NEDD8: variants seen among roughly 807,000 people sequenced by gnomAD.
The protein encoded by NEDD8 is NEDD8 ubiquitin like modifier, also known as ubiquitin-like protein NEDD8.
NEDD8 carries 1 observed loss-of-function variant against 13.8 expected under a neutral mutation model. That is an observed-to-expected ratio of 0.07 (90% CI 0.03 to 0.34). NEDD8 has a LOEUF of 0.34. NEDD8 is among the 10% of genes least tolerant of loss of function. The pLI, the probability that NEDD8 is intolerant of heterozygous loss-of-function variation, is 0.99. For missense variants in NEDD8, 10 were observed against 95.2 expected (o/e 0.10, Z 3.73); for synonymous variants, 31 against 33.2 (o/e 0.93, Z 0.23).
At chr14:24,218,651 C>A in intron 1 of NEDD8, 1 of 620,648 alleles carries the variant, frequency 1.6e-6, no homozygotes. Context: ...TTTGAACCAT[C>A]TGATCCTCTT....
chr14:24,218,592 AT>A (rs1295843159), intron 1 of NEDD8, 161 bp from the exon 2 acceptor site: 4 of 945,088 alleles, frequency 4.2e-6, no homozygotes, highest in African/African-American at 1.7e-5. Flanking sequence ...ACATACCTTC[AT>A]TTATCAAATA....
chr14:24,232,336 C>T lies in NEDD8; in HGVS notation c.-69G>A, dbSNP rs1318793969. 3 of 1,609,652 alleles carry T rather than the reference C, an allele frequency of 1.9e-6. No homozygotes were observed. Among genetic ancestry groups the T allele is most frequent in the African/African-American group, 2.7e-5 (2 of 74,686 alleles). On this transcript the variant is annotated 5_prime_UTR_variant, in exon 1 of 4. Transcript: ENST00000250495. ...TACCGCTCCGGTCGCCGCTGCCGCC[C>T]TCCAGCACTCTTGCCTGCAAGGGCC...
At chr14:24,217,842 C>T (rs530003770) in intron 3 of NEDD8, 21 of 308,582 alleles carry the variant, frequency 6.8e-5, no homozygotes, top group Admixed American at 5.9e-4. Flanking sequence ...ATTAGACCTA[C>T]CATTAGATCT....
intron 1 of NEDD8, among the ~76,000 whole-genome samples, chr14:24,221,034 T>C (rs915332401): frequency 2.6e-5 from 4 of 152,252 alleles, no homozygotes; most frequent in African/African-American, 9.6e-5. Flanking sequence ...TGGATTAACC[T>C]GTTTGGATAT....
intron 1 of NEDD8, chr14:24,227,392 G>A (rs1384210910): frequency 2.0e-5 from 3 of 152,164 alleles, no homozygotes; most frequent in Admixed American, 1.3e-4. Context: ...GGTTTTGTAC[G>A]TCATGTCTTG....
At chr14:24,228,975 T>C (rs1449375113) in intron 1 of NEDD8, among the ~76,000 whole-genome samples, 1 of 152,042 alleles carries the variant, frequency 6.6e-6, no homozygotes, top group Non-Finnish European at 1.5e-5. Context: ...GAAAGAAGAC[T>C]GGCAATTTTA....
intron 1 of NEDD8, among the ~76,000 whole-genome samples, chr14:24,231,261 C>T (rs926333180): frequency 1.3e-5 from 2 of 151,898 alleles, no homozygotes; most frequent in African/African-American, 4.8e-5. Context: ...TTATATAGGC[C>T]GCTACTCAAC....
chr14:24,219,134 G>A (rs912820322), intron 1 of NEDD8, among the ~76,000 whole-genome samples: 1 of 152,078 alleles, frequency 6.6e-6, no homozygotes, highest in Non-Finnish European at 1.5e-5. Flanking sequence ...GAATTCTCAA[G>A]GACACCAGAA....
chr14:24,219,005 C>CAA (rs2039755102), intron 1 of NEDD8, among the ~76,000 whole-genome samples: 1 of 152,120 alleles, frequency 6.6e-6, no homozygotes, highest in Admixed American at 6.6e-5. Context: ...CTCAGCCTCC[C>CAA]AAAGTGCTGG....
intron 1 of NEDD8, 189 bp downstream of exon 1, chr14:24,232,060 TG>T: frequency 1.2e-6 from 1 of 803,568 alleles, no homozygotes; most frequent in Non-Finnish European, 1.9e-6. Context: ...GGTCGTCAGG[TG>T]GGACCTGGGC....
At chr14:24,220,923 G>A (rs1259397085) in intron 1 of NEDD8, among the ~76,000 whole-genome samples, 1 of 152,238 alleles carries the variant, frequency 6.6e-6, no homozygotes, top group East Asian at 1.9e-4. Flanking sequence ...TCTCCTTATG[G>A]TATTCACATA....
intron 1 of NEDD8, chr14:24,228,845 G>A (rs929691006): frequency 1.3e-5 from 2 of 148,174 alleles, no homozygotes; most frequent in Non-Finnish European, 3.0e-5. Context: ...TATCTCATGT[G>A]TAACTACTTT....
At position 24,217,885 on chromosome 14, in the gene NEDD8, T is replaced by C; in HGVS notation, c.149+248A>G. On this transcript the variant is annotated intron_variant, in intron 3 of 3. Transcript: ENST00000250495. ...TAATAAAAAAGTACATATATTACTA[T>C]ATCACAAATTTGTTTTAGTATTTTA... The C allele has an allele frequency of 4.7e-6, 2 of 424,798 alleles. 1 individual carries two copies. The highest frequency in any genetic ancestry group is 8.9e-5 in the South Asian group (2 of 22,586). 26.3% of individuals were successfully genotyped at this position (424,798 alleles called of 1,614,324 possible). A position where few individuals can be genotyped will look rare whatever the true frequency, so the allele number is the denominator to read the frequency against.
intron 1 of NEDD8, among the ~76,000 whole-genome samples, chr14:24,219,486 A>AG (rs2039764592): frequency 7.0e-6 from 1 of 143,700 alleles, no homozygotes; most frequent in South Asian, 2.1e-4. Context: ...AAAAAAAAAA[A>AG]AAAAAAAAAA....
intron 1 of NEDD8, chr14:24,228,651 C>G (rs187063455): frequency 1.5e-5 from 2 of 133,800 alleles, no homozygotes; most frequent in Non-Finnish European, 3.1e-5. Context: ...CCTGAGAGGT[C>G]GAGGCTGCAG....
chr14:24,224,828 T>C (rs1286854284), intron 1 of NEDD8, among the ~76,000 whole-genome samples: 1 of 152,064 alleles, frequency 6.6e-6, no homozygotes, highest in Non-Finnish European at 1.5e-5. Flanking sequence ...AATTACCAGC[T>C]GACAGGAAAT....
rs550524429 is a variant in NEDD8 at position 24,217,277 on chromosome 14, G to C, written c.150-54C>G. ...GAAAAAGAAGACTTAGGAGTTTTTT[G>C]TTGTTGTTGTTGTTGTTGTTGTTGT... is the stretch of plus-strand genomic sequence containing the variant. On this transcript the variant is annotated intron_variant, in intron 3 of 3. Transcript: ENST00000250495. 6 of 420,026 alleles carry C rather than the reference G, an allele frequency of 1.4e-5. No individual in the cohort carries two copies. The South Asian group carries it at 2.5e-4, about 17-fold the overall frequency. 26.0% of individuals were successfully genotyped at this position (420,026 alleles called of 1,614,324 possible).
chr14:24,227,181 C>T lies in NEDD8; in HGVS notation c.18+5069G>A, dbSNP rs535300068. 9 of 152,216 alleles carry T rather than the reference C, an allele frequency of 5.9e-5. No individual in the cohort carries two copies. In the South Asian group the frequency reaches 1.0e-3, roughly 18 times the overall value. 9.4% of individuals were successfully genotyped at this position (152,216 alleles called of 1,614,324 possible). A position where few individuals can be genotyped will look rare whatever the true frequency, so the allele number is the denominator to read the frequency against. On this transcript the variant is annotated intron_variant, in intron 1 of 3. Transcript: ENST00000250495. Reference sequence around the variant, plus strand: ...TGTTTAGATTTTGTAATTACATGAACGTATGCTATTGTCAAAAACTCACTG... The same window carrying T: ...TGTTTAGATTTTGTAATTACATGAATGTATGCTATTGTCAAAAACTCACTG...
intron 1 of NEDD8, among the ~76,000 whole-genome samples, chr14:24,223,516 T>C (rs1364123090): frequency 6.6e-6 from 1 of 152,208 alleles, no homozygotes; most frequent in Non-Finnish European, 1.5e-5. Flanking sequence ...ACCCAACTTG[T>C]TCTAAACATA....
Sources: gnomAD v4.1 joint callset for allele counts (sites outside exome capture counted in the v4.1 genomes callset) on GRCh38, gnomAD v4.1.1 for gene constraint, MANE v1.5 for transcripts, NCBI Gene and HGNC (gene_info 2026-07-23, HGNC 2026-07-21) for gene names.